The following ATP8A2 variants were observed in gnomAD, a reference collection of about 807,000 sequenced individuals.
The protein encoded by ATP8A2 is phospholipid-transporting ATPase IB.
In ATP8A2, 100 loss-of-function variants were observed where a neutral mutation model predicts 165.6. That is an observed-to-expected ratio of 0.60 (90% CI 0.51 to 0.71). The LOEUF is 0.71. Among genes scored for constraint, ATP8A2 ranks in the 30% least tolerant of loss-of-function variants. The probability of loss-of-function intolerance (pLI) is 0.00; values close to 1 mark genes in which losing one functional copy is unlikely to be tolerated. For synonymous variants in ATP8A2, 543 were observed against 548.8 expected (o/e 0.99, Z 0.15); for missense variants, 1,227 against 1,479.5 (o/e 0.83, Z 2.80).
At chr13:25,413,448 A>G (rs2034036823) in intron 1 of ATP8A2, among the ~76,000 whole-genome samples, 1 of 150,956 alleles carries the variant, frequency 6.6e-6, no homozygotes, top group Admixed American at 6.6e-5. Context: ...CACCTAGCTA[A>G]TTTTTGTATT....
intron 1 of ATP8A2, among the ~76,000 whole-genome samples, chr13:25,428,020 C>A (rs1268182785): frequency 2.6e-5 from 4 of 151,938 alleles, no homozygotes; most frequent in Admixed American, 2.6e-4. Context: ...CCCATCTCTA[C>A]AAAAATTACA....
chr13:25,580,536 TTA>T (rs1465499453), intron 22 of ATP8A2, among the ~76,000 whole-genome samples: 1 of 152,156 alleles, frequency 6.6e-6, no homozygotes, highest in African/African-American at 2.4e-5. Flanking sequence ...ACTTTTTTTT[TTA>T]AATATAGAGA....
intron 24 of ATP8A2, among the ~76,000 whole-genome samples, chr13:25,656,105 C>T (rs1442154706): frequency 6.6e-6 from 1 of 152,170 alleles, no homozygotes; most frequent in Non-Finnish European, 1.5e-5. Flanking sequence ...AAACCCTATG[C>T]CTTCGTGTCC....
chr13:25,763,028 G>A (rs17585424), intron 25 of ATP8A2, among the ~76,000 whole-genome samples: 2 of 152,228 alleles, frequency 1.3e-5, no homozygotes, highest in East Asian at 1.9e-4. Flanking sequence ...TAAGGATTCC[G>A]AGAAATGCTT....
intron 25 of ATP8A2, among the ~76,000 whole-genome samples, chr13:25,719,778 A>G (rs1176938541): frequency 6.6e-6 from 1 of 152,210 alleles, no homozygotes; most frequent in Non-Finnish European, 1.5e-5. Flanking sequence ...AAGTGGGTAG[A>G]GGGATGGTGT....
chr13:25,980,679 G>A (rs75230432), intron 35 of ATP8A2, among the ~76,000 whole-genome samples: 9,680 of 152,178 alleles, frequency 0.064, 963 homozygotes, highest in African/African-American at 0.21. Flanking sequence ...CTACTTAAAA[G>A]CCATAGAATC....
intron 33 of ATP8A2, among the ~76,000 whole-genome samples, chr13:25,943,957 T>C (rs1434564231): frequency 6.6e-6 from 1 of 152,214 alleles, no homozygotes; most frequent in East Asian, 1.9e-4. Flanking sequence ...ACAGTCCAGT[T>C]ATTACGTTTA....
chr13:25,512,933 G>A (rs1422728789), intron 2 of ATP8A2, among the ~76,000 whole-genome samples: 27 of 145,260 alleles, frequency 1.9e-4, no homozygotes, highest in African/African-American at 5.4e-4. Flanking sequence ...CCTCCCTCCC[G>A]GATGGGGCGG....
chr13:25,600,655 C>G (rs972230637), intron 24 of ATP8A2, among the ~76,000 whole-genome samples: 1 of 152,252 alleles, frequency 6.6e-6, no homozygotes, highest in South Asian at 2.1e-4. Context: ...ATCCTTACAC[C>G]CATGAAGCCA....
chr13:25,862,343 G>C lies in ATP8A2; in HGVS notation c.3118G>C (p.Val1040Leu). The C allele has an allele frequency of 6.2e-7, 1 of 1,614,130 alleles. No homozygotes were observed. The highest frequency in any genetic ancestry group is 1.7e-5 in the Admixed American group (1 of 60,024). ...CTGGGGAAGCATGCTGACCTGGCTG[G>C]TGTTTTTTGGCATCTACTCGACCAT... The part of the protein sequence containing the change: ...AVWGSMLTWL[V>L]FFGIYSTIWP... The change falls in exon 33 of 37, where the codon GTG becomes CTG. Residue 1040 changes from valine to leucine, a missense_variant. Coordinates refer to ENST00000381655, the MANE Select transcript of ATP8A2 (RefSeq NM_016529.6).
At chr13:25,493,561 G>T (rs1025352127) in intron 2 of ATP8A2, among the ~76,000 whole-genome samples, 6 of 152,322 alleles carry the variant, frequency 3.9e-5, no homozygotes, top group Middle Eastern at 3.4e-3. Flanking sequence ...CGGAAGTGAA[G>T]ACATCAGTTG....
chr13:25,839,425 G>T, intron 29 of ATP8A2, 121 bp from the exon 30 acceptor site: 18 of 614,390 alleles, frequency 2.9e-5, no homozygotes, highest in East Asian at 5.6e-5. Context: ...AGAATAATAT[G>T]CTACTCCTGG....
At chr13:25,510,046 C>T (rs9581365) in intron 2 of ATP8A2, among the ~76,000 whole-genome samples, 9,021 of 152,198 alleles carry the variant, frequency 0.059, 344 homozygotes, top group South Asian at 0.13. Flanking sequence ...GAGCGTTCAA[C>T]CTGCAAGGCG....
intron 33 of ATP8A2, among the ~76,000 whole-genome samples, chr13:25,956,824 G>A (rs1007030836): frequency 8.5e-5 from 13 of 152,122 alleles, no homozygotes; most frequent in Admixed American, 7.2e-4. Flanking sequence ...ACAATCCTAA[G>A]CAAAAAGAAC....
intron 4 of ATP8A2, 115 bp from the exon 5 acceptor site, chr13:25,532,157 A>T: frequency 1.3e-6 from 1 of 790,436 alleles, no homozygotes; most frequent in Non-Finnish European, 2.1e-6. Flanking sequence ...CAGCATGAGC[A>T]TTATTGGCAT....
At chr13:25,453,297 T>C (rs1044454843) in intron 1 of ATP8A2, among the ~76,000 whole-genome samples, 9 of 151,564 alleles carry the variant, frequency 5.9e-5, no homozygotes, top group African/African-American at 2.2e-4. Flanking sequence ...CAGCTAATTT[T>C]TGTATTTTTA....
chr13:25,628,815 G>T (rs979370047), intron 24 of ATP8A2, among the ~76,000 whole-genome samples: 44 of 152,136 alleles, frequency 2.9e-4, no homozygotes, highest in African/African-American at 1.1e-3. Context: ...TTGATTACCT[G>T]TGCAAAGACT....
At chr13:25,902,680 C>A (rs562422128) in intron 33 of ATP8A2, among the ~76,000 whole-genome samples, 2 of 152,200 alleles carry the variant, frequency 1.3e-5, no homozygotes, top group Non-Finnish European at 2.9e-5. Context: ...AACAGCTCCT[C>A]TTCCTACATT....
intron 16 of ATP8A2, among the ~76,000 whole-genome samples, chr13:25,567,787 A>G (rs2039358041): frequency 6.6e-6 from 1 of 152,194 alleles, no homozygotes; most frequent in Admixed American, 6.5e-5. Context: ...TAGCTGCACT[A>G]CAATAATGAA....
Sources: allele counts gnomAD v4.1 joint callset (sites outside exome capture counted in the v4.1 genomes callset), GRCh38; gene constraint gnomAD v4.1.1; transcripts MANE v1.5; gene names NCBI Gene and HGNC (gene_info 2026-07-23, HGNC 2026-07-21).